The following PDE4D variants were observed in gnomAD, a reference collection of about 807,000 sequenced individuals.
PDE4D encodes phosphodiesterase 4D, also known as 3',5'-cyclic-AMP phosphodiesterase 4D.
A neutral mutation model predicts 87.4 loss-of-function variants in PDE4D; 24 were observed. That is an observed-to-expected ratio of 0.27 (90% CI 0.20 to 0.39). The LOEUF (loss-of-function observed/expected upper bound fraction) is 0.39. Among genes scored for constraint, PDE4D ranks in the 10% least tolerant of loss-of-function variants. The pLI, the probability that PDE4D is intolerant of heterozygous loss-of-function variation, is 1.00. For missense variants in PDE4D, 714 were observed against 1,041.0 expected, an observed-to-expected ratio of 0.69 and a Z score of 4.32; for synonymous variants, 384 against 383.2, an observed-to-expected ratio of 1.00 and a Z score of -0.02.
intron 1 of PDE4D, among the ~76,000 whole-genome samples, chr5:59,598,266 A>ATAG (rs1826990071): frequency 6.6e-6 from 1 of 152,186 alleles, no homozygotes; most frequent in Non-Finnish European, 1.5e-5. Flanking sequence ...ACCTGATCAA[A>ATAG]TAGTAAATTC....
chr5:59,866,995 C>T (rs142437276), intron 1 of PDE4D, among the ~76,000 whole-genome samples: 211 of 152,208 alleles, frequency 1.4e-3, no homozygotes, highest in African/African-American at 4.6e-3. Flanking sequence ...CTCCTGAGCA[C>T]GTATGAATTT....
chr5:59,743,675 CA>C (rs1447576483), intron 1 of PDE4D, among the ~76,000 whole-genome samples: 2 of 152,126 alleles, frequency 1.3e-5, no homozygotes, highest in African/African-American at 4.8e-5. Context: ...ATATATATCC[CA>C]AAAGAATTAA....
intron 1 of PDE4D, among the ~76,000 whole-genome samples, chr5:59,412,125 A>T (rs946321956): frequency 2.6e-5 from 4 of 152,312 alleles, no homozygotes; most frequent in Non-Finnish European, 5.9e-5. Flanking sequence ...GGATACTTTA[A>T]AGCATAAAAT....
chr5:60,105,449 T>C (rs919504496), intron 2 of PDE4D, among the ~76,000 whole-genome samples: 1 of 152,086 alleles, frequency 6.6e-6, no homozygotes, highest in Non-Finnish European at 1.5e-5. Flanking sequence ...CAGGATATTA[T>C]CCAGGAGAAC....
At chr5:59,048,647 A>T (rs1316614685) in intron 5 of PDE4D, among the ~76,000 whole-genome samples, 1 of 152,196 alleles carries the variant, frequency 6.6e-6, no homozygotes, top group Non-Finnish European at 1.5e-5. Flanking sequence ...GTTTAGCTCA[A>T]CTGTTCTTCA....
chr5:59,048,048 GGCTTT>G (rs1658800882), intron 5 of PDE4D, among the ~76,000 whole-genome samples: 2 of 152,154 alleles, frequency 1.3e-5, no homozygotes, highest in Admixed American at 1.3e-4. Context: ...CAAATATCAA[GGCTTT>G]GCCATTGATA....
chr5:59,572,789 T>C (rs935623243), intron 1 of PDE4D, among the ~76,000 whole-genome samples: 1 of 152,244 alleles, frequency 6.6e-6, no homozygotes, highest in African/African-American at 2.4e-5. Flanking sequence ...CGCTTTCTTT[T>C]AATTATAAAC....
At chr5:59,335,625 G>A (rs564604754) in intron 1 of PDE4D, among the ~76,000 whole-genome samples, 1 of 152,208 alleles carries the variant, frequency 6.6e-6, no homozygotes, top group Admixed American at 6.5e-5. Flanking sequence ...TTAAGATTCT[G>A]CAGTACCTTC....
At position 59,854,740 on chromosome 5, in the gene PDE4D, A is replaced by G. The variant is rs574681053; in HGVS notation, c.455+38428T>C. ...ATTGCACAATTAATACAGTCACCCT[A>G]TATAATAGAGACAAGTAAAAAGAAA... is the stretch of plus-strand genomic sequence containing the variant. On this transcript the variant is annotated intron_variant, in intron 1 of 14. Transcript: ENST00000340635. Among the ~76,000 whole-genome samples the G allele has an allele frequency of 7.2e-5, 11 of 152,208 alleles. No homozygotes were observed. In the South Asian group the frequency reaches 2.1e-3, roughly 29 times the overall value.
chr5:60,411,293 C>G (rs1262562520), intron 1 of PDE4D, among the ~76,000 whole-genome samples: 1 of 152,038 alleles, frequency 6.6e-6, no homozygotes, highest in African/African-American at 2.4e-5. Context: ...GTAGCTATAA[C>G]CAAAATAGGT....
upstream of PDE4D, chr5:60,490,344 AACCTCAC>A (rs1749465696): frequency 6.6e-6 from 1 of 152,212 alleles, no homozygotes; most frequent in Non-Finnish European, 1.5e-5. Context: ...TAGCAGGGGC[AACCTCAC>A]ACTGAAACAA....
At chr5:60,306,985 C>G (rs1754556755) in intron 1 of PDE4D, among the ~76,000 whole-genome samples, 1 of 152,046 alleles carries the variant, frequency 6.6e-6, no homozygotes, top group Non-Finnish European at 1.5e-5. Flanking sequence ...TGTTGCAAAA[C>G]TATTTGTGGT....
intron 1 of PDE4D, among the ~76,000 whole-genome samples, chr5:59,410,893 A>G (rs1792558480): frequency 6.6e-6 from 1 of 152,296 alleles, no homozygotes. Context: ...TAACTGACAG[A>G]GTTCTTATTC....
intron 1 of PDE4D, among the ~76,000 whole-genome samples, chr5:59,725,528 C>CT (rs1756475914): frequency 6.6e-6 from 1 of 152,080 alleles, no homozygotes; most frequent in African/African-American, 2.4e-5. Context: ...AGATCTATCC[C>CT]TTGAGAGAGA....
At chr5:59,116,552 C>T (rs1030748659) in intron 5 of PDE4D, among the ~76,000 whole-genome samples, 1 of 152,154 alleles carries the variant, frequency 6.6e-6, no homozygotes, top group Non-Finnish European at 1.5e-5. Flanking sequence ...AAAGAACCCA[C>T]AACTGCCCTA....
At chr5:60,427,727 G>C (rs1350293741) in intron 1 of PDE4D, among the ~76,000 whole-genome samples, 2 of 152,104 alleles carry the variant, frequency 1.3e-5, no homozygotes, top group African/African-American at 4.8e-5. Context: ...ACACTCTAAG[G>C]TTGGGGTTAT....
chr5:59,481,286 T>C (rs1169306573), intron 1 of PDE4D, among the ~76,000 whole-genome samples: 1 of 150,986 alleles, frequency 6.6e-6, no homozygotes, highest in Non-Finnish European at 1.5e-5. Flanking sequence ...GAAAGGCAAA[T>C]GTTTTCTGAC....
intron 1 of PDE4D, among the ~76,000 whole-genome samples, chr5:59,782,012 CACTT>C (rs1029282497): frequency 1.3e-5 from 2 of 152,000 alleles, no homozygotes; most frequent in African/African-American, 4.8e-5. Flanking sequence ...TGTAGTAAAA[CACTT>C]AGGAAGGGAT....
chr5:60,230,504 A>G (rs1745672522), intron 1 of PDE4D, among the ~76,000 whole-genome samples: 2 of 152,090 alleles, frequency 1.3e-5, no homozygotes. Context: ...TCTCTCTGCC[A>G]CTAGAAGAGG....
Sources: allele counts gnomAD v4.1 joint callset (sites outside exome capture counted in the v4.1 genomes callset), GRCh38; gene constraint gnomAD v4.1.1; transcripts MANE v1.5; gene names NCBI Gene and HGNC (gene_info 2026-07-23, HGNC 2026-07-21).